APC: variants seen among roughly 807,000 people sequenced by gnomAD.
APC encodes the protein adenomatous polyposis coli protein.
Under a neutral mutation model 247.0 loss-of-function variants are expected in APC, and 72 were observed. The observed-to-expected ratio is 0.29, with a 90% confidence interval of 0.24 to 0.35. The LOEUF is 0.35. APC is among the 10% of genes least tolerant of loss of function. APC has a pLI of 1.00. For synonymous variants in APC, 1,254 were observed against 1,162.5 expected (o/e 1.08, Z -1.60); for missense variants, 3,400 against 3,360.7 (o/e 1.01, Z -0.29).
chr5:112,756,754 A>T (rs1178034874), intron 2 of APC, among the ~76,000 whole-genome samples: 3 of 152,186 alleles, frequency 2.0e-5, no homozygotes, highest in Non-Finnish European at 4.4e-5. Flanking sequence ...GTGACAATAG[A>T]AGTCACACCC....
At chr5:112,830,289 G>A (rs1764166398) in intron 14 of APC, among the ~76,000 whole-genome samples, 1 of 152,096 alleles carries the variant, frequency 6.6e-6, no homozygotes, top group South Asian at 2.1e-4. Context: ...AAAGAACATG[G>A]CCGATAAGCC....
chr5:112,710,499 C>T (rs1750785755), intron 1 of APC, among the ~76,000 whole-genome samples: 1 of 152,142 alleles, frequency 6.6e-6, no homozygotes, highest in South Asian at 2.1e-4. Flanking sequence ...CTTTCTTTCT[C>T]TAGAAACTGT....
intron 1 of APC, among the ~76,000 whole-genome samples, chr5:112,717,908 C>CTTTTTCTTTTTTTTTTTTTTT (rs1751264440): frequency 1.2e-4 from 5 of 40,634 alleles, no homozygotes; most frequent in Admixed American, 4.3e-4. Flanking sequence ...TTTTCTTTTT[C>CTTTTTCTTTTTTTTTTTTTTT]TTTTTTTTTT....
chr5:112,822,532 A>C (rs1489615041), intron 11 of APC, among the ~76,000 whole-genome samples: 1 of 152,254 alleles, frequency 6.6e-6, no homozygotes, highest in Admixed American at 6.5e-5. Context: ...ATTTCATTAT[A>C]ACTTTGGAAT....
At chr5:112,723,348 G>T (rs747302828) in intron 1 of APC, among the ~76,000 whole-genome samples, 5 of 152,096 alleles carry the variant, frequency 3.3e-5, no homozygotes, top group Non-Finnish European at 7.4e-5. Flanking sequence ...TGTGGTGCCA[G>T]CTACTCAGAA....
rs765384591 is a variant in APC, at chr5:112,707,885, G to T, written c.165+3G>T. 13 of 1,367,922 alleles carry T rather than the reference G, an allele frequency of 9.5e-6. No individual in the cohort carries two copies. Among genetic ancestry groups the T allele is most frequent in the Non-Finnish European group, 1.2e-5 (12 of 1,037,564 alleles). The allele number at this position is 1,367,922 out of a possible 1,614,324, so 84.7% of individuals were successfully genotyped here. ...GCCACTGGGCGAGCGTCTGGCAGGT[G>T]AGTGAGGCTGCAGGCATTGACGTCT... is the stretch of plus-strand genomic sequence containing the variant. On this transcript the variant is annotated splice_donor_region_variant and intron_variant, in intron 1 of 13. Coordinates refer to the APC transcript ENST00000507379.
intron 5 of APC, among the ~76,000 whole-genome samples, chr5:112,775,957 T>C (rs955945205): frequency 3.3e-5 from 5 of 152,206 alleles, no homozygotes; most frequent in Admixed American, 6.5e-5. Context: ...TTAAAGCTCT[T>C]ATTTAGAAAA....
rs180895240 is a variant in APC at position 112,817,466 on chromosome 5, G to A, written c.934-1500G>A. 4.4e-3 allele frequency among the ~76,000 whole-genome samples: 666 copies of A among 152,032 alleles called. 3 individuals are homozygous for A. Among genetic ancestry groups the A allele is most frequent in the Middle Eastern group, 0.01 (3 of 294 alleles). Reference sequence around the variant, plus strand: ...CAGGAGTTGTATGTACCTTATCTCTGGTCCTCTCCAAAATTCTATGAAGTA... The same window carrying A: ...CAGGAGTTGTATGTACCTTATCTCTAGTCCTCTCCAAAATTCTATGAAGTA... On this transcript the variant is annotated intron_variant, in intron 9 of 15. Transcript: ENST00000257430.
chr5:112,792,106 C>T (rs929146669), intron 6 of APC, among the ~76,000 whole-genome samples: 9 of 151,972 alleles, frequency 5.9e-5, no homozygotes, highest in African/African-American at 1.7e-4. Context: ...ATTAGCTGGG[C>T]GTGGTGGTGC....
rs1452357753 is a variant in APC at position 112,845,032 on chromosome 5, A to C, written c.*906A>C. 1 of 232,262 alleles carries C rather than the reference A, an allele frequency of 4.3e-6. No individual in the cohort carries two copies. The highest frequency in any genetic ancestry group is 8.5e-6 in the Non-Finnish European group (1 of 117,276). The allele number at this position is 232,262 out of a possible 1,614,324, so 14.4% of individuals were successfully genotyped here. On this transcript the variant is annotated 3_prime_UTR_variant, in exon 16 of 16. Coordinates refer to ENST00000257430, the MANE Select transcript of APC (RefSeq NM_000038.6). ...AGGGTCTTGTTTCACATTTGTATTA[A>C]TAATTGTTTAAAATGCCTCTTTTAA...
chr5:112,820,162 C>A (rs1762972300), intron 10 of APC, among the ~76,000 whole-genome samples: 1 of 150,288 alleles, frequency 6.7e-6, no homozygotes, highest in African/African-American at 2.5e-5. Flanking sequence ...GTAAGACCTT[C>A]CTTTCACCTG....
Position 112,815,480 on chromosome 5 carries a change from G to A in APC, c.835-15G>A, listed in dbSNP as rs1057521022. ...TAGTCTAAATTATACCATCTATAATGTGCTTAATTTTTAGGGTTCAACTAC... is the reference window on the plus strand; with the variant it reads ...TAGTCTAAATTATACCATCTATAATATGCTTAATTTTTAGGGTTCAACTAC... On this transcript the variant is annotated splice_polypyrimidine_tract_variant and intron_variant, in intron 8 of 15. Coordinates refer to ENST00000257430, the MANE Select transcript of APC (RefSeq NM_000038.6). 1.9e-6 allele frequency: 3 copies of A among 1,591,342 alleles called. No homozygotes were observed. The highest frequency in any genetic ancestry group is 2.6e-6 in the Non-Finnish European group (3 of 1,160,952).
intron 10 of APC, 58 bp downstream of exon 10, chr5:112,819,402 A>T (rs2149784680): frequency 6.2e-7 from 1 of 1,606,802 alleles, no homozygotes; most frequent in African/African-American, 1.3e-5. Flanking sequence ...TGAAATTTTT[A>T]AACAGAAAAC....
At chr5:112,833,929 G>A (rs964955567) in intron 14 of APC, among the ~76,000 whole-genome samples, 1 of 151,734 alleles carries the variant, frequency 6.6e-6, no homozygotes, top group East Asian at 1.9e-4. Flanking sequence ...CCATATCTAT[G>A]TATGGTTTAC....
At chr5:112,814,165 A>G (rs1272486510) in intron 8 of APC, among the ~76,000 whole-genome samples, 3 of 152,238 alleles carry the variant, frequency 2.0e-5, no homozygotes, top group Non-Finnish European at 4.4e-5. Context: ...GAGAACTGCA[A>G]AAGAATGCCT....
chr5:112,829,774 A>T (rs999418948), intron 14 of APC: 3 of 152,264 alleles, frequency 2.0e-5, no homozygotes, highest in African/African-American at 7.2e-5. Context: ...AATCACTGGT[A>T]TAAGTGTACC....
intron 1 of APC, among the ~76,000 whole-genome samples, chr5:112,741,748 A>G (rs893125485): frequency 6.6e-6 from 1 of 151,716 alleles, no homozygotes; most frequent in Admixed American, 6.6e-5. Flanking sequence ...CCTAATTAAA[A>G]CTCTGTGCAC....
intron 2 of APC, among the ~76,000 whole-genome samples, chr5:112,755,301 G>C (rs1754845408): frequency 6.6e-6 from 1 of 152,152 alleles, no homozygotes; most frequent in South Asian, 2.1e-4. Context: ...TAGCATCACT[G>C]TACTGAGGCA....
chr5:112,737,604 A>T (rs1752477509), upstream of APC, among the ~76,000 whole-genome samples: 1 of 152,238 alleles, frequency 6.6e-6, no homozygotes, highest in South Asian at 2.1e-4. Context: ...ACTCTTTACT[A>T]TGCGTGTCAA....
Sources: gnomAD v4.1 joint callset for allele counts (sites outside exome capture counted in the v4.1 genomes callset) on GRCh38, gnomAD v4.1.1 for gene constraint, MANE v1.5 for transcripts, NCBI Gene and HGNC (gene_info 2026-07-23, HGNC 2026-07-21) for gene names.